Variants in DNAH5 observed in about 807,000 individuals in gnomAD.
DNAH5 encodes dynein axonemal heavy chain 5, also known as axonemal beta dynein heavy chain 5.
Under a neutral mutation model 518.2 loss-of-function variants are expected in DNAH5, and 372 were observed. That is an observed-to-expected ratio of 0.72 (90% CI 0.66 to 0.78). The LOEUF is 0.78. DNAH5 is among the 30% of genes least tolerant of loss of function. DNAH5 has a pLI of 0.00. For missense variants in DNAH5, 5,523 were observed against 5,687.0 expected (o/e 0.97, Z 0.93); for synonymous variants, 2,039 against 2,025.9 (o/e 1.01, Z -0.17).
At chr5:13,712,363 A>T (rs1205711580) in intron 75 of DNAH5, among the ~76,000 whole-genome samples, 1 of 152,220 alleles carries the variant, frequency 6.6e-6, no homozygotes, top group Non-Finnish European at 1.5e-5. Flanking sequence ...AAACTACAAA[A>T]ATTCTCGACA....
rs1774549517 is a variant in DNAH5, at chr5:13,901,168, T to G, written c.2052+84A>C. ...TTACAAAACACCTACAAATCCAGCT[T>G]TCTAAAGAAATAACACTGTCAAATG... On this transcript the variant is annotated intron_variant, in intron 14 of 78. Coordinates refer to ENST00000265104, the MANE Select transcript of DNAH5 (RefSeq NM_001369.3). 4.1e-6 allele frequency: 6 copies of G among 1,465,584 alleles called. No homozygotes were observed. In the African/African-American group the frequency reaches 8.3e-5, roughly 20 times the overall value. 90.8% of individuals were successfully genotyped at this position (1,465,584 alleles called of 1,614,324 possible).
chr5:13,753,169 A>T, intron 63 of DNAH5, 64 bp downstream of exon 63: 2 of 1,256,812 alleles, frequency 1.6e-6, no homozygotes, highest in Non-Finnish European at 2.3e-6. Context: ...TTACTCTTGG[A>T]TTTTTGTTTA....
At chr5:13,807,872 G>T in intron 46 of DNAH5, 147 bp from the exon 47 acceptor site, 1 of 723,354 alleles carries the variant, frequency 1.4e-6, no homozygotes. Context: ...TTAAAGAGGT[G>T]ACTAAGGTAA....
intron 1 of DNAH5, among the ~76,000 whole-genome samples, chr5:13,964,997 G>A (rs1039441162): frequency 4.6e-5 from 7 of 152,012 alleles, no homozygotes; most frequent in African/African-American, 1.2e-4. Flanking sequence ...CCTCCACCTC[G>A]TCCACTGGGG....
chr5:13,997,261 T>C (rs1784033894), intron 1 of DNAH5, among the ~76,000 whole-genome samples: 1 of 152,230 alleles, frequency 6.6e-6, no homozygotes, highest in Non-Finnish European at 1.5e-5. Context: ...CATATTTTAT[T>C]ATAAGAGTCA....
At chr5:13,700,533 G>A (rs1341551032) in intron 78 of DNAH5, 107 bp downstream of exon 78, 8 of 1,117,504 alleles carry the variant, frequency 7.2e-6, no homozygotes, top group Non-Finnish European at 1.1e-5. Flanking sequence ...TAATAGATAA[G>A]AGAGCAAAAT....
chr5:13,943,337 T>G lies in DNAH5; in HGVS notation c.57+1045A>C, dbSNP rs183674518. On this transcript the variant is annotated intron_variant, in intron 1 of 78. Coordinates refer to ENST00000265104, the MANE Select transcript of DNAH5 (RefSeq NM_001369.3). ...CTAGCAAGAGAAAGAGACATGTGGGTAAATGTCATTTCACTACAGTGATGT... is the reference window on the plus strand; with the variant it reads ...CTAGCAAGAGAAAGAGACATGTGGGGAAATGTCATTTCACTACAGTGATGT... Among the ~76,000 whole-genome samples, 20 of 152,318 alleles carry G rather than the reference T, an allele frequency of 1.3e-4. No homozygotes were observed. The East Asian group carries it at 3.9e-3, about 29-fold the overall frequency.
chr5:14,007,904 G>C, intron 1 of DNAH5, among the ~76,000 whole-genome samples: 1 of 152,192 alleles, frequency 6.6e-6, no homozygotes. Context: ...CAGGTGCAGG[G>C]GCTCATGCCT....
chr5:13,800,812 T>C (rs907962600), intron 47 of DNAH5, among the ~76,000 whole-genome samples: 2 of 152,188 alleles, frequency 1.3e-5, no homozygotes, highest in African/African-American at 4.8e-5. Context: ...TCCCACCTCA[T>C]CCACTGTTTT....
In DNAH5 at chr5:13,782,896, G is replaced by C. The variant is rs1282497675; in HGVS notation, c.8821-1937C>G. Among the ~76,000 whole-genome samples, 5 of 152,130 alleles carry C rather than the reference G, an allele frequency of 3.3e-5. No homozygotes were observed. The East Asian group carries it at 7.7e-4, about 23-fold the overall frequency. ...TGTTATATACAGATTGTGAGGTGGAGGTATGCGTTTTTAATTTCATCAGCA... is the reference window on the plus strand; with the variant it reads ...TGTTATATACAGATTGTGAGGTGGACGTATGCGTTTTTAATTTCATCAGCA... On this transcript the variant is annotated intron_variant, in intron 52 of 78. Coordinates refer to ENST00000265104, the MANE Select transcript of DNAH5 (RefSeq NM_001369.3).
chr5:13,923,199 T>C (rs1777492211), intron 4 of DNAH5, 81 bp downstream of exon 4: 4 of 1,564,138 alleles, frequency 2.6e-6, no homozygotes, highest in South Asian at 1.1e-5. Flanking sequence ...AATACAATGA[T>C]TGTCTCCACC....
At chr5:13,993,610 C>T (rs1287511506) in intron 1 of DNAH5, among the ~76,000 whole-genome samples, 1 of 152,316 alleles carries the variant, frequency 6.6e-6, no homozygotes, top group East Asian at 1.9e-4. Context: ...GTAAGTATTT[C>T]CTTAAGAGCT....
rs1310778358 is a variant in DNAH5 at position 13,691,476 on chromosome 5, T to C, written c.*508A>G. The C allele has an allele frequency of 6.5e-6, 1 of 155,020 alleles. No individual in the cohort carries two copies. Among genetic ancestry groups the C allele is most frequent in the Non-Finnish European group, 1.4e-5 (1 of 69,846 alleles). 9.6% of individuals were successfully genotyped at this position (155,020 alleles called of 1,614,324 possible). ...TATTTACATTCTTAATCCATTCTTC[T>C]ATTTCCTTCTATTTTTTAAAAGGTA... is the stretch of plus-strand genomic sequence containing the variant. On this transcript the variant is annotated 3_prime_UTR_variant, in exon 79 of 79. Coordinates refer to ENST00000265104, the MANE Select transcript of DNAH5 (RefSeq NM_001369.3).
rs1740591576 is a variant in DNAH5, at chr5:13,690,431, ATAC to A, written c.*1550_*1552del. On this transcript the variant is annotated 3_prime_UTR_variant, in exon 79 of 79. Transcript: ENST00000265104. ...CCACAATTCACACAAATCAACTGAT[ATAC>A]TAATCCACACCAAAAGAAAGAACTC... The A allele has an allele frequency of 1.3e-5, 2 of 152,202 alleles. No homozygotes were observed. The highest frequency in any genetic ancestry group is 4.8e-5 in the African/African-American group (2 of 41,456). The allele number at this position is 152,202 out of a possible 1,614,324, so 9.4% of individuals were successfully genotyped here.
rs755584441 is a variant in DNAH5, at chr5:13,717,482, G to T, written c.12538C>A (p.Gln4180Lys). The T allele has an allele frequency of 1.9e-6, 3 of 1,614,028 alleles. No individual in the cohort carries two copies. In the Admixed American group the frequency reaches 5.0e-5, roughly 27 times the overall value. ...QDLLDVSSGS[Q>K]WKPMLYAVAF... ...ACTGCGTACAGCATGGGCTTCCACT[G>T]GGACCCAGAGCTCACGTCCAGCAGG... is the stretch of plus-strand genomic sequence containing the variant. Residue 4180 changes from glutamine (Q) to lysine (K), a missense_variant, in exon 73 of 79, where the codon CAG becomes AAG. By Grantham distance (53) the Gln-to-Lys change is moderately conservative. Around this residue, in one of 3 missense-constraint regions of DNAH5, gnomAD observed 5,121 missense variants for 5,223.3 expected, o/e 0.98. Coordinates refer to ENST00000265104, the MANE Select transcript of DNAH5 (RefSeq NM_001369.3).
At chr5:13,860,341 C>A (rs1435997152) in intron 29 of DNAH5, 1 of 152,380 alleles carries the variant, frequency 6.6e-6, no homozygotes, top group South Asian at 2.1e-4. Context: ...TCCACATCAA[C>A]AGTGCTTAAT....
chr5:13,777,565 A>T (rs1179553872), intron 53 of DNAH5, among the ~76,000 whole-genome samples: 3 of 152,212 alleles, frequency 2.0e-5, no homozygotes, highest in Non-Finnish European at 4.4e-5. Flanking sequence ...CTACATAAAA[A>T]ACTATACTGA....
intron 61 of DNAH5, among the ~76,000 whole-genome samples, chr5:13,758,386 T>C (rs1210147362): frequency 6.6e-6 from 1 of 152,116 alleles, no homozygotes; most frequent in Non-Finnish European, 1.5e-5. Context: ...TCCCAGCTAC[T>C]TGGGAGGCTG....
At chr5:13,953,593 T>C (rs1271772797) in intron 1 of DNAH5, among the ~76,000 whole-genome samples, 2 of 152,226 alleles carry the variant, frequency 1.3e-5, no homozygotes, top group African/African-American at 4.8e-5. Flanking sequence ...AATATAGCCC[T>C]TACTTGGTGA....
Sources: allele counts gnomAD v4.1 joint callset (sites outside exome capture counted in the v4.1 genomes callset), GRCh38; gene constraint gnomAD v4.1.1; regional missense constraint gnomAD v4.1.1; transcripts MANE v1.5; gene names NCBI Gene and HGNC (gene_info 2026-07-23, HGNC 2026-07-21).